Variants in TJP2 observed in about 807,000 individuals in gnomAD.
TJP2 encodes Friedreich ataxia region gene X104 (tight junction protein ZO-2).
TJP2 carries 91 observed loss-of-function variants against 133.1 expected under a neutral mutation model. That is an observed-to-expected ratio of 0.68 (90% CI 0.58 to 0.81). The LOEUF (loss-of-function observed/expected upper bound fraction) is 0.81, where lower values mean the gene tolerates loss of function less well. Among genes scored for constraint, TJP2 ranks in the 40% least tolerant of loss-of-function variants. The pLI, the probability that TJP2 is intolerant of heterozygous loss-of-function variation, is 0.00. For synonymous variants in TJP2, 592 were observed against 583.4 expected, an observed-to-expected ratio of 1.01 and a Z score of -0.21; for missense variants, 1,541 against 1,565.6, an observed-to-expected ratio of 0.98 and a Z score of 0.26.
At chr9:69,170,241 GAA>G (rs1824605415), upstream of TJP2, among the ~76,000 whole-genome samples, 1 of 152,018 alleles carries the variant, frequency 6.6e-6, no homozygotes, top group Non-Finnish European at 1.5e-5. Flanking sequence ...AATTTAAAAA[GAA>G]AAATATATGC....
At chr9:69,196,905 C>A in intron 1 of TJP2, among the ~76,000 whole-genome samples, 1 of 142,316 alleles carries the variant, frequency 7.0e-6, no homozygotes, top group South Asian at 2.3e-4. Flanking sequence ...TGTCTGATTT[C>A]TTTTGCTTGT....
At chr9:69,128,864 T>A (rs966725247) in intron 1 of TJP2, among the ~76,000 whole-genome samples, 6 of 152,194 alleles carry the variant, frequency 3.9e-5, no homozygotes, top group Admixed American at 6.5e-5. Context: ...TTGATTCTTT[T>A]CCAAGGGAAA....
chr9:69,152,205 C>A (rs1477971625), intron 2 of TJP2, among the ~76,000 whole-genome samples: 2 of 152,164 alleles, frequency 1.3e-5, no homozygotes, highest in East Asian at 3.9e-4. Flanking sequence ...GGACATCAGT[C>A]ACACTGGCTT....
At chr9:69,209,154 A>AT (rs1204758958) in intron 1 of TJP2, among the ~76,000 whole-genome samples, 2 of 151,612 alleles carry the variant, frequency 1.3e-5, no homozygotes, top group Non-Finnish European at 1.5e-5. Flanking sequence ...TTCTTTCTTT[A>AT]TTTTTTTTGA....
intron 1 of TJP2, among the ~76,000 whole-genome samples, chr9:69,182,308 A>G (rs73647098): frequency 0.018 from 2,718 of 152,252 alleles, 86 homozygotes; most frequent in African/African-American, 0.062. Flanking sequence ...ACACTCACTG[A>G]AATTTTCCAG....
chr9:69,230,952 A>G (rs940173220), intron 11 of TJP2, among the ~76,000 whole-genome samples: 3 of 152,128 alleles, frequency 2.0e-5, no homozygotes, highest in Non-Finnish European at 2.9e-5. Flanking sequence ...TAAAATTACT[A>G]TGTGTTTGTA....
chr9:69,241,045 C>T (rs949165402), intron 17 of TJP2, among the ~76,000 whole-genome samples: 31 of 152,208 alleles, frequency 2.0e-4, no homozygotes, highest in African/African-American at 7.2e-4. Flanking sequence ...CTGGCCAAGA[C>T]TTGGTAGTTG....
At position 69,227,762 on chromosome 9, in the gene TJP2, T is replaced by C; in HGVS notation, c.1211-3T>C. 1.3e-6 allele frequency: 2 copies of C among 1,572,622 alleles called. No homozygotes were observed. Among genetic ancestry groups the C allele is most frequent in the Middle Eastern group, 3.9e-4 (2 of 5,148 alleles). On this transcript the variant is annotated splice_region_variant and splice_polypyrimidine_tract_variant and intron_variant, in intron 7 of 22. Transcript: ENST00000377245. ...AAAAGTCTTTTCTTATTTTTGAAAC[T>C]AGATATTTCAGAAATAGAGTCAAAC...
Position 69,230,169 on chromosome 9 carries a change from T to C in TJP2, c.1608T>C (p.Ala536=), listed in dbSNP as rs1240734334. Residue 536 remains alanine (A), a synonymous_variant, in exon 11 of 23, where the codon GCT becomes GCC. Coordinates refer to ENST00000377245, the MANE Select transcript of TJP2 (RefSeq NM_004817.4). ...GCAATGATGTCGGGATATTTGTTGC[T>C]GGCATTCAAGAAGGGACCTCGGCGG... ...AGGNDVGIFV[A]GIQEGTSAEQ... is the part of the protein sequence containing the mutation. 5.0e-6 allele frequency: 8 copies of C among 1,614,190 alleles called. No homozygotes were observed. The highest frequency in any genetic ancestry group is 6.8e-6 in the Non-Finnish European group (8 of 1,180,024).
intron 1 of TJP2, among the ~76,000 whole-genome samples, chr9:69,197,038 G>T (rs966428054): frequency 3.3e-5 from 5 of 151,278 alleles, no homozygotes; most frequent in Non-Finnish European, 5.9e-5. Context: ...GCACAATCTG[G>T]GTTCACTGCA....
intron 1 of TJP2, among the ~76,000 whole-genome samples, chr9:69,174,816 A>G (rs796416981): frequency 9.2e-5 from 14 of 152,146 alleles, no homozygotes; most frequent in African/African-American, 2.7e-4. Flanking sequence ...GCAAAGTTAC[A>G]GGCTTGTGTA....
At chr9:69,177,642 G>GTT (rs150840240) in intron 1 of TJP2, among the ~76,000 whole-genome samples, 16 of 151,402 alleles carry the variant, frequency 1.1e-4, no homozygotes, top group African/African-American at 2.7e-4. Flanking sequence ...TTTTATTTTT[G>GTT]TTTTTTTGGT....
At chr9:69,210,925 AC>A (rs1481494377) in intron 1 of TJP2, among the ~76,000 whole-genome samples, 9 of 152,006 alleles carry the variant, frequency 5.9e-5, no homozygotes, top group Admixed American at 5.9e-4. Flanking sequence ...ATGGGGTCTC[AC>A]TATGTTGCAC....
chr9:69,229,581 G>C (rs1829614835), intron 10 of TJP2, among the ~76,000 whole-genome samples: 2 of 152,210 alleles, frequency 1.3e-5, no homozygotes, highest in South Asian at 4.1e-4. Context: ...ACGGTGCCCT[G>C]TGGTGACTGC....
At chr9:69,139,965 CA>C (rs1822942377) in intron 1 of TJP2, among the ~76,000 whole-genome samples, 1 of 152,186 alleles carries the variant, frequency 6.6e-6, no homozygotes, top group African/African-American at 2.4e-5. Context: ...TCGTCTAGAG[CA>C]AGTAGGCGAC....
intron 2 of TJP2, among the ~76,000 whole-genome samples, chr9:69,167,750 C>G (rs1446530593): frequency 6.6e-6 from 1 of 151,994 alleles, no homozygotes; most frequent in Non-Finnish European, 1.5e-5. Flanking sequence ...TGCCTGTAAT[C>G]CCAGCTACTT....
intron 5 of TJP2, among the ~76,000 whole-genome samples, chr9:69,221,803 G>C (rs538144683): frequency 7.3e-5 from 11 of 150,226 alleles, no homozygotes; most frequent in Non-Finnish European, 1.5e-4. Flanking sequence ...CCGTCCACCT[G>C]AATCTCTCAC....
At chr9:69,244,738 G>T (rs911379475) in intron 17 of TJP2, among the ~76,000 whole-genome samples, 2 of 152,242 alleles carry the variant, frequency 1.3e-5, no homozygotes, top group African/African-American at 4.8e-5. Context: ...AAGAGGTCAA[G>T]TGCATGAGTT....
chr9:69,167,211 C>T (rs1214688220), intron 2 of TJP2, among the ~76,000 whole-genome samples: 2 of 152,132 alleles, frequency 1.3e-5, no homozygotes, highest in Admixed American at 1.3e-4. Flanking sequence ...GCACCCCAGC[C>T]TGGGCAACAG....
Sources: allele counts gnomAD v4.1 joint callset (sites outside exome capture counted in the v4.1 genomes callset), GRCh38; gene constraint gnomAD v4.1.1; transcripts MANE v1.5; gene names NCBI Gene and HGNC (gene_info 2026-07-23, HGNC 2026-07-21).